Variants in KCNN2 observed in about 807,000 individuals in gnomAD.
KCNN2 encodes the protein potassium calcium-activated channel subfamily N member 2.
A neutral mutation model predicts 55.5 loss-of-function variants in KCNN2; 24 were observed. That is an observed-to-expected ratio of 0.43 (90% CI 0.31 to 0.61). The LOEUF (loss-of-function observed/expected upper bound fraction) is 0.61. Among genes scored for constraint, KCNN2 ranks in the 20% least tolerant of loss-of-function variants. KCNN2 has a pLI of 0.08. For missense variants in KCNN2, 754 were observed against 853.6 expected (o/e 0.88, Z 1.45); for synonymous variants, 431 against 336.1 (o/e 1.28, Z -3.09).
At chr5:114,391,283 G>T (rs1170352687) in intron 2 of KCNN2, among the ~76,000 whole-genome samples, 1 of 152,030 alleles carries the variant, frequency 6.6e-6, no homozygotes, top group African/African-American at 2.4e-5. Context: ...CTCTCTGAAG[G>T]TCCATGGAAT....
chr5:114,068,802 C>T (rs1750504828), intron 1 of KCNN2, among the ~76,000 whole-genome samples: 1 of 151,824 alleles, frequency 6.6e-6, no homozygotes, highest in South Asian at 2.1e-4. Flanking sequence ...CTCTCTTTTC[C>T]TTTCTTTTTC....
At chr5:114,311,665 G>C (rs1163278802) in intron 2 of KCNN2, among the ~76,000 whole-genome samples, 1 of 152,054 alleles carries the variant, frequency 6.6e-6, no homozygotes, top group African/African-American at 2.4e-5. Flanking sequence ...ACAGAGCTAG[G>C]TGCCATTTAC....
chr5:114,150,192 T>C (rs1228201274), intron 1 of KCNN2, among the ~76,000 whole-genome samples: 1 of 152,220 alleles, frequency 6.6e-6, no homozygotes, highest in African/African-American at 2.4e-5. Context: ...TTTCGTCTTG[T>C]ATTCCGTAGT....
chr5:114,453,812 A>T (rs1020329922), intron 3 of KCNN2, among the ~76,000 whole-genome samples: 4 of 150,742 alleles, frequency 2.7e-5, no homozygotes, highest in Non-Finnish European at 4.4e-5. Context: ...TATTAATGCA[A>T]TTTTTTTTTA....
chr5:114,442,308 T>C (rs1159824320), intron 3 of KCNN2, among the ~76,000 whole-genome samples: 17 of 151,630 alleles, frequency 1.1e-4, no homozygotes, highest in Admixed American at 1.1e-3. Flanking sequence ...TCAATATTTG[T>C]AAATATAAGA....
At chr5:114,333,198 A>G (rs566769928) in intron 2 of KCNN2, among the ~76,000 whole-genome samples, 2 of 152,360 alleles carry the variant, frequency 1.3e-5, no homozygotes, top group Admixed American at 1.3e-4. Context: ...TGGAATGTGA[A>G]GATAAAACAC....
chr5:114,366,645 C>T (rs1320833284), intron 2 of KCNN2, among the ~76,000 whole-genome samples: 3 of 151,988 alleles, frequency 2.0e-5, no homozygotes, highest in Non-Finnish European at 4.4e-5. Context: ...TATTCTGAAA[C>T]ACAATGAAAC....
intron 1 of KCNN2, among the ~76,000 whole-genome samples, chr5:114,190,034 C>G (rs1187924312): frequency 2.6e-5 from 4 of 151,658 alleles, no homozygotes; most frequent in Non-Finnish European, 5.9e-5. Context: ...GGAAGGAATT[C>G]TTTAAAACAA....
chr5:114,419,008 G>A lies in KCNN2; in HGVS notation c.1637+14152G>A, dbSNP rs141572513. Among the ~76,000 whole-genome samples, 11 of 152,290 alleles carry A rather than the reference G, an allele frequency of 7.2e-5. No homozygotes were observed. The East Asian group carries it at 1.7e-3, about 24-fold the overall frequency. Reference sequence around the variant, plus strand: ...GAGTAGACTAAATTTGAAAGAGAACGTAATAATTTTTTTCGTAGCTCTTTA... The same window carrying A: ...GAGTAGACTAAATTTGAAAGAGAACATAATAATTTTTTTCGTAGCTCTTTA... On this transcript the variant is annotated intron_variant, in intron 3 of 7. Transcript: ENST00000673685.
intron 2 of KCNN2, among the ~76,000 whole-genome samples, chr5:114,253,219 C>G (rs965634543): frequency 7.0e-6 from 1 of 143,796 alleles, no homozygotes; most frequent in African/African-American, 2.6e-5. Flanking sequence ...CTAGATATTT[C>G]TCCTAGTGCC....
At chr5:114,147,408 G>A (rs987613159) in intron 1 of KCNN2, among the ~76,000 whole-genome samples, 4 of 152,268 alleles carry the variant, frequency 2.6e-5, no homozygotes, top group Admixed American at 6.5e-5. Flanking sequence ...ATACGTTGAC[G>A]TCCTAACCCA....
intron 2 of KCNN2, among the ~76,000 whole-genome samples, chr5:114,241,687 T>A (rs1754623215): frequency 7.4e-6 from 1 of 134,554 alleles, no homozygotes; most frequent in Non-Finnish European, 1.6e-5. Flanking sequence ...GAATAAAATT[T>A]ACGAGAATAT....
chr5:114,082,417 G>A (rs1156947933), intron 1 of KCNN2, among the ~76,000 whole-genome samples: 1 of 151,994 alleles, frequency 6.6e-6, no homozygotes, highest in Admixed American at 6.6e-5. Flanking sequence ...AAACCCATTA[G>A]GATGGCTACA....
chr5:114,274,379 A>C (rs3101074), intron 2 of KCNN2, among the ~76,000 whole-genome samples: 131,722 of 152,076 alleles, frequency 0.87, 58,053 homozygotes, highest in East Asian at 0.94. Flanking sequence ...GAGTAAAGTC[A>C]GTGGTAGCTT....
At chr5:114,151,243 G>T (rs959880082) in intron 1 of KCNN2, among the ~76,000 whole-genome samples, 9 of 151,934 alleles carry the variant, frequency 5.9e-5, no homozygotes, top group African/African-American at 1.9e-4. Flanking sequence ...AGAGCTTAAG[G>T]GATCTTAGAG....
intron 3 of KCNN2, among the ~76,000 whole-genome samples, chr5:114,444,619 GT>G (rs1344662102): frequency 6.6e-6 from 1 of 152,102 alleles, no homozygotes; most frequent in East Asian, 1.9e-4. Context: ...TGAGACATAG[GT>G]AAAGGTGACT....
chr5:114,220,491 A>G (rs925052249), intron 1 of KCNN2, among the ~76,000 whole-genome samples: 2 of 152,156 alleles, frequency 1.3e-5, no homozygotes, highest in Non-Finnish European at 2.9e-5. Context: ...AGTTTTTCAA[A>G]AACTATTTGT....
At chr5:114,074,616 C>T (rs1299260845) in intron 1 of KCNN2, among the ~76,000 whole-genome samples, 1 of 152,210 alleles carries the variant, frequency 6.6e-6, no homozygotes, top group African/African-American at 2.4e-5. Flanking sequence ...AGCCCCTCCA[C>T]TCTGCTCCAA....
intron 1 of KCNN2, among the ~76,000 whole-genome samples, chr5:114,218,683 A>G (rs939369464): frequency 2.0e-4 from 31 of 152,338 alleles, no homozygotes; most frequent in African/African-American, 7.0e-4. Flanking sequence ...GTTCAAAACC[A>G]TAGAATGTAC....
Sources: allele counts gnomAD v4.1 joint callset (sites outside exome capture counted in the v4.1 genomes callset), GRCh38; gene constraint gnomAD v4.1.1; transcripts MANE v1.5; gene names NCBI Gene and HGNC (gene_info 2026-07-23, HGNC 2026-07-21).